PRKG1: variants seen among roughly 807,000 people sequenced by gnomAD.
PRKG1 encodes cGMP-dependent protein kinase 1.
A neutral mutation model predicts 88.1 loss-of-function variants in PRKG1; 35 were observed. The observed-to-expected ratio is 0.40, with a 90% CI of 0.30 to 0.53. PRKG1 has a LOEUF of 0.53. Ranked by LOEUF, PRKG1 falls within the 20% of genes least tolerant of loss-of-function variation. PRKG1 has a pLI of 0.59. For synonymous variants in PRKG1, 303 were observed against 292.5 expected (o/e 1.04, Z -0.37); for missense variants, 540 against 839.8 (o/e 0.64, Z 4.41).
At chr10:51,429,802 A>G (rs926474788) in intron 2 of PRKG1, among the ~76,000 whole-genome samples, 1 of 151,924 alleles carries the variant, frequency 6.6e-6, no homozygotes, top group Non-Finnish European at 1.5e-5. Context: ...AGAAGAAAAA[A>G]AAAACAGAAG....
At chr10:51,105,378 A>T (rs1407066742) in intron 1 of PRKG1, among the ~76,000 whole-genome samples, 3 of 152,174 alleles carry the variant, frequency 2.0e-5, no homozygotes, top group African/African-American at 4.8e-5. Flanking sequence ...TATTAGACTG[A>T]TCTCCTACCT....
At chr10:51,411,226 C>T (rs1838077732) in intron 2 of PRKG1, among the ~76,000 whole-genome samples, 1 of 152,144 alleles carries the variant, frequency 6.6e-6, no homozygotes, top group African/African-American at 2.4e-5. Flanking sequence ...GTCTCAAACT[C>T]CTGACCTCAA....
Position 51,612,225 on chromosome 10 carries a change from T to C in PRKG1, c.592+144389T>C, listed in dbSNP as rs190037260. Among the ~76,000 whole-genome samples, 316 of 152,248 alleles carry C rather than the reference T, an allele frequency of 2.1e-3. 1 individual carries two copies. Among genetic ancestry groups the C allele is most frequent in the African/African-American group, 7.3e-3 (305 of 41,584 alleles). ...ATTTCATTGAATCTGCAGATTGCTTTGGGCAGTATAGTCATTTTAACAATA... is the reference window on the plus strand; with the variant it reads ...ATTTCATTGAATCTGCAGATTGCTTCGGGCAGTATAGTCATTTTAACAATA... On this transcript the variant is annotated intron_variant, in intron 3 of 17. Coordinates refer to ENST00000373980, the MANE Select transcript of PRKG1 (RefSeq NM_006258.4).
chr10:52,271,127 T>C (rs1050677867), intron 10 of PRKG1, among the ~76,000 whole-genome samples: 14 of 152,034 alleles, frequency 9.2e-5, no homozygotes, highest in African/African-American at 3.1e-4. Flanking sequence ...CACAATTAAT[T>C]TGGAATCAAG....
chr10:52,122,702 G>C (rs1186512212), intron 7 of PRKG1, among the ~76,000 whole-genome samples: 1 of 152,148 alleles, frequency 6.6e-6, no homozygotes, highest in Non-Finnish European at 1.5e-5. Context: ...AAAGTACAGA[G>C]TAAATACCAT....
At chr10:51,069,575 G>A (rs1843797145), upstream of PRKG1, among the ~76,000 whole-genome samples, 1 of 151,984 alleles carries the variant, frequency 6.6e-6, no homozygotes, top group South Asian at 2.1e-4. Context: ...TCCAAAGACA[G>A]TTCCGGTTGT....
rs1294805851 is a variant in PRKG1, at chr10:50,991,601, C to T, written c.223C>T (p.His75Tyr). The T allele has an allele frequency of 3.2e-6, 5 of 1,578,832 alleles. No homozygotes were observed. The highest frequency in any genetic ancestry group is 4.3e-6 in the Non-Finnish European group (5 of 1,164,184). The change falls in exon 1 of 18, where the codon CAC becomes TAC. Residue 75 changes from histidine to tyrosine, a missense_variant. Physicochemically the swap from His to Tyr is moderately conservative, Grantham distance 83 (BLOSUM62 2). Transcript: ENST00000401604. This position sits in a 1 kb window ranked among gnomAD's most constrained non-coding sequence, Gnocchi z 4.5. ...CGAGCCGCAGACGTACAGGTCCTTC[C>T]ACGACCTCCGACAGGCATTCCGGAA...
At chr10:51,655,462 A>G (rs1840138965) in intron 3 of PRKG1, among the ~76,000 whole-genome samples, 1 of 152,176 alleles carries the variant, frequency 6.6e-6, no homozygotes, top group African/African-American at 2.4e-5. Flanking sequence ...TAATCAGAAT[A>G]TAGAAAGATC....
intron 2 of PRKG1, among the ~76,000 whole-genome samples, chr10:51,272,047 G>T (rs1230039022): frequency 6.6e-6 from 1 of 152,140 alleles, no homozygotes; most frequent in Non-Finnish European, 1.5e-5. Flanking sequence ...GTGTAAAAGG[G>T]TTCCTATTTC....
intron 1 of PRKG1, among the ~76,000 whole-genome samples, chr10:51,129,426 T>C (rs939721418): frequency 6.7e-6 from 1 of 150,010 alleles, no homozygotes. Context: ...GCCTGTGCGA[T>C]AGAGTGAGAC....
intron 2 of PRKG1, among the ~76,000 whole-genome samples, chr10:51,271,055 A>ATTTAGGATCATCCAATAGC (rs1839966448): frequency 6.6e-6 from 1 of 152,188 alleles, no homozygotes; most frequent in Non-Finnish European, 1.5e-5. Context: ...CATTCAACTC[A>ATTTAGGATCATCCAATAGC]TTTAGGATCA....
chr10:51,195,917 G>A (rs1025504938), intron 2 of PRKG1, among the ~76,000 whole-genome samples: 4 of 152,186 alleles, frequency 2.6e-5, no homozygotes, highest in African/African-American at 9.6e-5. Context: ...TACAGTGTTT[G>A]TGGATGACTT....
At chr10:51,321,789 C>T (rs1030492798) in intron 2 of PRKG1, among the ~76,000 whole-genome samples, 5 of 152,006 alleles carry the variant, frequency 3.3e-5, no homozygotes, top group East Asian at 1.9e-4. Context: ...AAAAGATAAA[C>T]GCTTGAGGTG....
chr10:51,405,685 T>C (rs1452736137), intron 2 of PRKG1, among the ~76,000 whole-genome samples: 3 of 152,224 alleles, frequency 2.0e-5, no homozygotes, highest in Admixed American at 2.0e-4. Flanking sequence ...TGTGCTTGTG[T>C]CTCATCCTGC....
At chr10:52,079,283 G>A (rs570786437) in intron 7 of PRKG1, among the ~76,000 whole-genome samples, 1 of 152,104 alleles carries the variant, frequency 6.6e-6, no homozygotes, top group East Asian at 1.9e-4. Flanking sequence ...TCTATTAGAT[G>A]TGCATGGTTT....
chr10:51,402,327 T>C (rs1420805645), intron 2 of PRKG1, among the ~76,000 whole-genome samples: 1 of 152,202 alleles, frequency 6.6e-6, no homozygotes, highest in Non-Finnish European at 1.5e-5. Flanking sequence ...AAAATCCCAA[T>C]TACTTGGTGC....
chr10:52,211,631 C>G (rs1165475678), intron 9 of PRKG1, among the ~76,000 whole-genome samples: 2 of 134,006 alleles, frequency 1.5e-5, no homozygotes, highest in East Asian at 4.3e-4. Context: ...GTCTTTATTA[C>G]AAATGTGGAT....
At chr10:51,019,487 A>G (rs1016557755) in intron 1 of PRKG1, among the ~76,000 whole-genome samples, 2 of 152,170 alleles carry the variant, frequency 1.3e-5, no homozygotes, top group African/African-American at 4.8e-5. Flanking sequence ...CCATATACAA[A>G]AATTAACTCA....
chr10:51,677,249 A>G (rs973723396), intron 3 of PRKG1, among the ~76,000 whole-genome samples: 1 of 152,166 alleles, frequency 6.6e-6, no homozygotes, highest in Non-Finnish European at 1.5e-5. Context: ...CATTGTATGC[A>G]TATACCATAA....
Sources: gnomAD v4.1 joint callset for allele counts (sites outside exome capture counted in the v4.1 genomes callset) on GRCh38, gnomAD v4.1.1 for gene constraint, Gnocchi (gnomAD v3.1) non-coding constraint, MANE v1.5 for transcripts, NCBI Gene and HGNC (gene_info 2026-07-23, HGNC 2026-07-21) for gene names.